The following CHFR variants were observed in gnomAD, a reference collection of about 807,000 sequenced individuals.
The protein encoded by CHFR is checkpoint with forkhead and ring finger domains.
A neutral mutation model predicts 87.6 loss-of-function variants in CHFR; 57 were observed. The observed-to-expected ratio is 0.65, with a 90% CI of 0.53 to 0.81. CHFR has a LOEUF of 0.81. CHFR is among the 30% of genes least tolerant of loss of function. The pLI, the probability that CHFR is intolerant of heterozygous loss-of-function variation, is 0.00. For missense variants in CHFR, 797 were observed against 865.8 expected (o/e 0.92, Z 1.00); for synonymous variants, 381 against 359.2 (o/e 1.06, Z -0.69).
intron 15 of CHFR, among the ~76,000 whole-genome samples, chr12:132,845,629 G>A (rs4758951): frequency 0.31 from 47,260 of 151,906 alleles, 8,371 homozygotes; most frequent in East Asian, 0.52. Flanking sequence ...CAGCCTGGGC[G>A]ACAGAGCAAG....
chr12:132,864,633 C>T (rs954191050), intron 6 of CHFR, among the ~76,000 whole-genome samples: 12 of 152,050 alleles, frequency 7.9e-5, no homozygotes, highest in Non-Finnish European at 8.8e-5. Context: ...GGATTACAGG[C>T]GCCCGCAACC....
chr12:132,844,329 G>A (rs1445537454), intron 15 of CHFR, among the ~76,000 whole-genome samples, 195 bp from the exon 16 acceptor site: 1 of 152,234 alleles, frequency 6.6e-6, no homozygotes. Context: ...CTGTCGCCCT[G>A]GCTGGAGTGC....
At chr12:132,876,265 C>G (rs1158618049) in intron 3 of CHFR, among the ~76,000 whole-genome samples, 1 of 152,132 alleles carries the variant, frequency 6.6e-6, no homozygotes, top group Non-Finnish European at 1.5e-5. Flanking sequence ...CCAACATATG[C>G]ATTTTTAACG....
intron 2 of CHFR, among the ~76,000 whole-genome samples, chr12:132,885,628 T>C (rs1287219427): frequency 6.6e-6 from 1 of 152,184 alleles, no homozygotes; most frequent in Admixed American, 6.5e-5. Flanking sequence ...TAACATGTAA[T>C]GTCCTACCAT....
At chr12:132,844,237 A>T in intron 15 of CHFR, 103 bp from the exon 16 acceptor site, 3 of 712,558 alleles carry the variant, frequency 4.2e-6, no homozygotes, top group Non-Finnish European at 7.7e-6. Context: ...AAATGGGGTG[A>T]AGACAACGGG....
intron 3 of CHFR, among the ~76,000 whole-genome samples, chr12:132,873,978 G>T (rs1012106391): frequency 6.6e-6 from 1 of 152,112 alleles, no homozygotes; most frequent in South Asian, 2.1e-4. Flanking sequence ...ATGCTCAGGG[G>T]CCCCTACACA....
chr12:132,850,859 T>TAA (rs532547167), intron 12 of CHFR, among the ~76,000 whole-genome samples: 4 of 149,096 alleles, frequency 2.7e-5, no homozygotes, highest in African/African-American at 9.9e-5. Context: ...TAGGAAGTCA[T>TAA]AAAAAAAAGG....
intron 2 of CHFR, among the ~76,000 whole-genome samples, chr12:132,882,150 T>A (rs568963318): frequency 1.3e-5 from 2 of 152,204 alleles, no homozygotes; most frequent in African/African-American, 2.4e-5. Flanking sequence ...TAAATGTCCA[T>A]CCACTGGTTG....
In CHFR at chr12:132,851,609, G is replaced by A. The variant is rs779062860; in HGVS notation, c.1492+9C>T. 5.0e-6 allele frequency: 8 copies of A among 1,605,030 alleles called. No individual in the cohort carries two copies. Among genetic ancestry groups the A allele is most frequent in the Non-Finnish European group, 6.8e-6 (8 of 1,175,720 alleles). The stretch of plus-strand genomic sequence containing the variant: ...GAACCCGCCTGCGTGCGGTGGCGCG[G>A]GCACTCACACTGCTGAGGGGCGACA... On this transcript the variant is annotated intron_variant, in intron 12 of 17. Transcript: ENST00000450056.
Position 132,836,923 on chromosome 12 carries a change from T to G in CHFR, c.*4631A>C, listed in dbSNP as rs1950651924. ...GCAGACAGGCAAGATCCCTGCTCTA[T>G]TTTTTTGAGAGGGGGAGACAAACGG... On this transcript the variant is annotated 3_prime_UTR_variant, in exon 18 of 18. Transcript: ENST00000450056. 1 of 369,054 alleles carries G rather than the reference T, an allele frequency of 2.7e-6. No homozygotes were observed. The highest frequency in any genetic ancestry group is 3.5e-5 in the Admixed American group (1 of 28,396). 22.9% of individuals were successfully genotyped at this position (369,054 alleles called of 1,614,324 possible). A position where few individuals can be genotyped will look rare whatever the true frequency, so the allele number is the denominator to read the frequency against.
intron 13 of CHFR, chr12:132,848,418 T>C (rs1950872228): frequency 1.4e-6 from 1 of 716,542 alleles, no homozygotes; most frequent in South Asian, 1.8e-5. Flanking sequence ...AAGGATTCTG[T>C]CCTGGGAGTA....
chr12:132,879,677 C>G (rs764514074), intron 2 of CHFR, among the ~76,000 whole-genome samples: 16 of 152,190 alleles, frequency 1.1e-4, no homozygotes, highest in Admixed American at 2.6e-4. Flanking sequence ...GCGTGAGCCA[C>G]CAGCGCCCGG....
At chr12:132,863,753 T>C (rs1951269961) in intron 6 of CHFR, among the ~76,000 whole-genome samples, 1 of 152,046 alleles carries the variant, frequency 6.6e-6, no homozygotes, top group African/African-American at 2.4e-5. Flanking sequence ...CAGGCAGACT[T>C]TCTAATCACC....
At chr12:132,847,375 T>G in intron 14 of CHFR, 1 of 1,186,906 alleles carries the variant, frequency 8.4e-7, no homozygotes, top group Non-Finnish European at 1.1e-6. Context: ...TCAAAAGTTC[T>G]GCCAAGACCT....
rs748387119 is a variant in CHFR, at chr12:132,861,447, A to G, written c.751+20T>C. ...AGGAGCACACGAGAGGACTGAGGAC[A>G]CACACAACCAGACACTAACCTCCTC... On this transcript the variant is annotated intron_variant, in intron 7 of 17. Coordinates refer to ENST00000450056, the MANE Select transcript of CHFR (RefSeq NM_001161346.2). 6.2e-7 allele frequency: 1 copy of G among 1,611,826 alleles called. No homozygotes were observed. Among genetic ancestry groups the G allele is most frequent in the African/African-American group, 1.3e-5 (1 of 74,908 alleles).
chr12:132,865,751 C>G (rs1951320573), intron 6 of CHFR: 1 of 151,052 alleles, frequency 6.6e-6, no homozygotes. Flanking sequence ...CCTCTGCCTC[C>G]CAGGCTCAGG....
At chr12:132,885,436 A>G (rs893398773) in intron 2 of CHFR, among the ~76,000 whole-genome samples, 23 of 151,130 alleles carry the variant, frequency 1.5e-4, no homozygotes, top group African/African-American at 5.1e-4. Context: ...AAATAAATAA[A>G]TAAATAAATA....
In CHFR at chr12:132,847,655, A is replaced by G. The variant is rs1028327980; in HGVS notation, c.1647+430T>C. 13 of 1,087,940 alleles carry G rather than the reference A, an allele frequency of 1.2e-5. No homozygotes were observed. The African/African-American group carries it at 2.1e-4, about 18-fold the overall frequency. 67.4% of individuals were successfully genotyped at this position (1,087,940 alleles called of 1,614,324 possible). A position where few individuals can be genotyped will look rare whatever the true frequency, so the allele number is the denominator to read the frequency against. On this transcript the variant is annotated intron_variant, in intron 14 of 17. Transcript: ENST00000450056. ...GTGCTCGGCAGGAGGGCGAATGCGCATGTTAAACATATGTAAATCCTAGAA... is the reference window on the plus strand; with the variant it reads ...GTGCTCGGCAGGAGGGCGAATGCGCGTGTTAAACATATGTAAATCCTAGAA...
At position 132,839,352 on chromosome 12, in the gene CHFR, T is replaced by G. The variant is rs888282078; in HGVS notation, c.*2202A>C. 6.4e-5 allele frequency: 10 copies of G among 155,606 alleles called. No individual in the cohort carries two copies. In the Middle Eastern group the frequency reaches 0.01, roughly 157 times the overall value. 9.6% of individuals were successfully genotyped at this position (155,606 alleles called of 1,614,324 possible). ...AAACTCAGGAACTCCCCTCTCGGCC[T>G]CACCCCCGCACTAACTCAGGACCTC... On this transcript the variant is annotated 3_prime_UTR_variant, in exon 18 of 18. Coordinates refer to ENST00000450056, the MANE Select transcript of CHFR (RefSeq NM_001161346.2).
Sources: allele counts gnomAD v4.1 joint callset (sites outside exome capture counted in the v4.1 genomes callset), GRCh38; gene constraint gnomAD v4.1.1; transcripts MANE v1.5; gene names NCBI Gene and HGNC (gene_info 2026-07-23, HGNC 2026-07-21).